The following TWSG1 variants were observed in gnomAD, a reference collection of about 807,000 sequenced individuals.
TWSG1 encodes twisted gastrulation BMP signaling modulator 1, also known as twisted gastrulation protein homolog 1.
TWSG1 carries 15 observed loss-of-function variants against 23.0 expected under a neutral mutation model. That is an observed-to-expected ratio of 0.65 (90% CI 0.44 to 1.00). The LOEUF (loss-of-function observed/expected upper bound fraction) is 1.00. TWSG1 is among the 50% of genes least tolerant of loss of function. TWSG1 has a pLI of 0.00. For missense variants in TWSG1, 242 were observed against 278.7 expected (o/e 0.87, Z 0.94); for synonymous variants, 86 against 92.8 (o/e 0.93, Z 0.42).
intron 3 of TWSG1, among the ~76,000 whole-genome samples, chr18:9,371,867 G>C (rs1192111472): frequency 2.0e-5 from 3 of 150,470 alleles, no homozygotes; most frequent in Admixed American, 6.7e-5. Flanking sequence ...CGCCTCCCCG[G>C]TGATTCTCCT....
chr18:9,392,969 G>T (rs989156830), intron 3 of TWSG1, among the ~76,000 whole-genome samples: 14 of 152,198 alleles, frequency 9.2e-5, no homozygotes, highest in Non-Finnish European at 1.6e-4. Flanking sequence ...CTTGCATATG[G>T]AGGCACTTCC....
chr18:9,366,909 T>C (rs548700033), intron 3 of TWSG1, among the ~76,000 whole-genome samples: 17 of 152,214 alleles, frequency 1.1e-4, no homozygotes, highest in Non-Finnish European at 2.2e-4. Flanking sequence ...TCACCTTTTC[T>C]GTGTATGGTG....
chr18:9,396,398 G>T lies in TWSG1; in HGVS notation c.342G>T (p.Leu114Phe). The T allele has an allele frequency of 6.2e-7, 1 of 1,614,178 alleles. No individual in the cohort carries two copies. The highest frequency in any genetic ancestry group is 2.2e-5 in the East Asian group (1 of 44,888). ...FRALTEGDTQ[L>F]NWNIVSFPVA... is the part of the protein sequence containing the mutation. ...CACTCACAGAAGGAGATACTCAGTTGAATTGGAACATCGTTTCTTTCCCTG... is the reference window on the plus strand; with the variant it reads ...CACTCACAGAAGGAGATACTCAGTTTAATTGGAACATCGTTTCTTTCCCTG... The change falls in exon 4 of 5, where the codon TTG becomes TTT. Residue 114 changes from leucine (L) to phenylalanine (F), a missense_variant. By Grantham distance (22) the Leu-to-Phe change is conservative. Transcript: ENST00000262120.
chr18:9,353,383 T>C (rs964163625), intron 2 of TWSG1, among the ~76,000 whole-genome samples: 1 of 152,204 alleles, frequency 6.6e-6, no homozygotes, highest in African/African-American at 2.4e-5. Context: ...TAAAATACAT[T>C]TTGAATGATT....
chr18:9,397,753 C>T (rs1303387472), intron 4 of TWSG1, among the ~76,000 whole-genome samples: 3 of 152,160 alleles, frequency 2.0e-5, no homozygotes, highest in Non-Finnish European at 4.4e-5. Flanking sequence ...CGCCTGTAAT[C>T]CCAGCACTTT....
At chr18:9,369,128 CAAAT>C (rs201729075) in intron 3 of TWSG1, among the ~76,000 whole-genome samples, 51,016 of 120,968 alleles carry the variant, frequency 0.42, 8,726 homozygotes, top group Admixed American at 0.49. Context: ...AACAAACAAA[CAAAT>C]AAATAAATAA....
Position 9,386,678 on chromosome 18 carries a change from A to G in TWSG1, c.224-9602A>G, listed in dbSNP as rs1367444855. ...AAACAGTGAGTCCTTAGGTTGAAAG[A>G]GCCTTCAGAATGCTGAGTGAGATGA... On this transcript the variant is annotated intron_variant, in intron 3 of 4. Transcript: ENST00000262120. Among the ~76,000 whole-genome samples the G allele has an allele frequency of 2.0e-5, 3 of 152,160 alleles. No individual in the cohort carries two copies. The East Asian group carries it at 5.8e-4, about 29-fold the overall frequency.
intron 3 of TWSG1, among the ~76,000 whole-genome samples, chr18:9,373,349 C>T (rs899953582): frequency 2.0e-5 from 3 of 151,670 alleles, no homozygotes; most frequent in South Asian, 2.1e-4. Flanking sequence ...GTCAACATGG[C>T]GAAACCCTGT....
At chr18:9,359,343 A>G (rs2040541532) in intron 2 of TWSG1, among the ~76,000 whole-genome samples, 1 of 152,196 alleles carries the variant, frequency 6.6e-6, no homozygotes, top group Non-Finnish European at 1.5e-5. Flanking sequence ...CAGAAGTGAC[A>G]TAATCTCATA....
At chr18:9,356,549 T>C (rs2040527656) in intron 2 of TWSG1, among the ~76,000 whole-genome samples, 1 of 152,230 alleles carries the variant, frequency 6.6e-6, no homozygotes, top group Non-Finnish European at 1.5e-5. Flanking sequence ...AGCTACCATT[T>C]GGAAGCTGCA....
intron 3 of TWSG1, 147 bp downstream of exon 3, chr18:9,360,218 C>A (rs2040546215): frequency 1.8e-6 from 1 of 569,026 alleles, no homozygotes; most frequent in Non-Finnish European, 3.0e-6. Context: ...TGTATTTTTA[C>A]ATTCAATTGT....
At chr18:9,397,259 C>T (rs2040741802) in intron 4 of TWSG1, among the ~76,000 whole-genome samples, 1 of 152,140 alleles carries the variant, frequency 6.6e-6, no homozygotes, top group African/African-American at 2.4e-5. Flanking sequence ...AGGTGACATT[C>T]AGAGTATCCC....
intron 3 of TWSG1, among the ~76,000 whole-genome samples, chr18:9,365,655 C>T (rs757214348): frequency 1.3e-5 from 2 of 150,156 alleles, no homozygotes; most frequent in Non-Finnish European, 3.0e-5. Flanking sequence ...CCAGCCTAGG[C>T]GGCAGAGTGA....
chr18:9,335,639 GA>G (rs888018476), intron 1 of TWSG1, among the ~76,000 whole-genome samples: 2 of 152,190 alleles, frequency 1.3e-5, no homozygotes, highest in African/African-American at 2.4e-5. Flanking sequence ...GGTTGCTCCA[GA>G]AATCATCCTA....
At chr18:9,372,290 T>C (rs1046855015) in intron 3 of TWSG1, among the ~76,000 whole-genome samples, 5 of 151,306 alleles carry the variant, frequency 3.3e-5, no homozygotes, top group African/African-American at 1.2e-4. Flanking sequence ...CATACATTCC[T>C]ATGATACAGT....
chr18:9,340,317 A>G (rs1342742838), intron 2 of TWSG1, among the ~76,000 whole-genome samples: 4 of 149,648 alleles, frequency 2.7e-5, no homozygotes, highest in Non-Finnish European at 1.5e-5. Context: ...GCAGTGAGCC[A>G]AGATCATGCC....
At chr18:9,357,316 TATATC>T (rs2040531557) in intron 2 of TWSG1, among the ~76,000 whole-genome samples, 1 of 152,202 alleles carries the variant, frequency 6.6e-6, no homozygotes, top group South Asian at 2.1e-4. Flanking sequence ...CATATACACT[TATATC>T]AAACTAATGA....
chr18:9,377,558 G>T (rs1263119449), intron 3 of TWSG1, among the ~76,000 whole-genome samples: 1 of 151,722 alleles, frequency 6.6e-6, no homozygotes, highest in Non-Finnish European at 1.5e-5. Flanking sequence ...GGAACAACTG[G>T]CCATCCATCT....
chr18:9,363,407 C>T (rs1273360621), intron 3 of TWSG1, among the ~76,000 whole-genome samples: 1 of 151,966 alleles, frequency 6.6e-6, no homozygotes, highest in Non-Finnish European at 1.5e-5. Flanking sequence ...TTCCAATAGT[C>T]ATTAATACAT....
Sources: gnomAD v4.1 joint callset for allele counts (sites outside exome capture counted in the v4.1 genomes callset) on GRCh38, gnomAD v4.1.1 for gene constraint, MANE v1.5 for transcripts, NCBI Gene and HGNC (gene_info 2026-07-23, HGNC 2026-07-21) for gene names.